BNC2: variants seen among roughly 807,000 people sequenced by gnomAD.
BNC2 encodes the protein zinc finger protein basonuclin-2.
In BNC2, 20 loss-of-function variants were observed where a neutral mutation model predicts 76.3. The observed-to-expected ratio is 0.26, with a 90% CI of 0.18 to 0.38. The LOEUF is 0.38. BNC2 is among the 10% of genes least tolerant of loss of function. The pLI is 1.00. For synonymous variants in BNC2, 582 were observed against 514.8 expected (o/e 1.13, Z -1.77); for missense variants, 1,382 against 1,399.8 (o/e 0.99, Z 0.20).
chr9:16,666,644 G>A (rs1344395310), intron 3 of BNC2, among the ~76,000 whole-genome samples: 1 of 152,174 alleles, frequency 6.6e-6, no homozygotes, highest in Non-Finnish European at 1.5e-5. Flanking sequence ...GGGTGATTCT[G>A]GAGCTAAACA....
At chr9:16,508,440 T>TA (rs1470330780) in intron 5 of BNC2, among the ~76,000 whole-genome samples, 3 of 152,120 alleles carry the variant, frequency 2.0e-5, no homozygotes, top group South Asian at 2.1e-4. Flanking sequence ...TAATGCTCAG[T>TA]AAAAAAACAT....
At chr9:16,479,817 T>C (rs1822008700) in intron 5 of BNC2, among the ~76,000 whole-genome samples, 1 of 152,234 alleles carries the variant, frequency 6.6e-6, no homozygotes, top group Admixed American at 6.5e-5. Flanking sequence ...AGATTATTTA[T>C]GTTTATTTTA....
chr9:16,583,635 C>A (rs918408379), intron 3 of BNC2, among the ~76,000 whole-genome samples: 1 of 152,188 alleles, frequency 6.6e-6, no homozygotes, highest in African/African-American at 2.4e-5. Flanking sequence ...TAACATATTT[C>A]TATTATTATT....
intron 3 of BNC2, among the ~76,000 whole-genome samples, chr9:16,682,048 T>G (rs972342691): frequency 6.6e-6 from 1 of 151,054 alleles, no homozygotes. Flanking sequence ...AAAGAGAGAG[T>G]GAACTTTTAT....
intron 3 of BNC2, among the ~76,000 whole-genome samples, chr9:16,712,121 G>A (rs558402183): frequency 6.6e-6 from 1 of 152,294 alleles, no homozygotes; most frequent in Non-Finnish European, 1.5e-5. Context: ...TATCAAGACT[G>A]CACTGTGGTG....
At chr9:16,670,614 C>T (rs998551205) in intron 3 of BNC2, among the ~76,000 whole-genome samples, 12 of 152,148 alleles carry the variant, frequency 7.9e-5, no homozygotes, top group African/African-American at 2.2e-4. Flanking sequence ...AAGGGAAATG[C>T]GTTACCTATT....
intron 5 of BNC2, among the ~76,000 whole-genome samples, chr9:16,462,085 T>C (rs72717017): frequency 1.3e-5 from 2 of 152,148 alleles, no homozygotes; most frequent in African/African-American, 4.8e-5. Context: ...ATTTAATGAG[T>C]GTCCATTGGC....
chr9:16,845,955 C>T (rs1818971685), intron 1 of BNC2, among the ~76,000 whole-genome samples: 1 of 151,926 alleles, frequency 6.6e-6, no homozygotes, highest in Admixed American at 6.6e-5. Flanking sequence ...TGAGACCATC[C>T]TGGCTAACAC....
At chr9:16,844,809 T>C (rs1480503011) in intron 1 of BNC2, among the ~76,000 whole-genome samples, 2 of 152,174 alleles carry the variant, frequency 1.3e-5, no homozygotes, top group Non-Finnish European at 2.9e-5. Context: ...TTCATTTTTT[T>C]ATATCAATAA....
intron 4 of BNC2, among the ~76,000 whole-genome samples, chr9:16,559,378 T>C (rs1041065052): frequency 4.6e-5 from 7 of 152,216 alleles, no homozygotes; most frequent in East Asian, 1.9e-4. Flanking sequence ...AGCCAAAAGA[T>C]TGGACATCCC....
chr9:16,465,931 C>T (rs1039741002), intron 5 of BNC2, among the ~76,000 whole-genome samples: 1 of 146,262 alleles, frequency 6.8e-6, no homozygotes, highest in African/African-American at 2.6e-5. Flanking sequence ...CTAGAAAACC[C>T]CATCGTCTCA....
At chr9:16,620,826 A>G (rs1187175750) in intron 3 of BNC2, among the ~76,000 whole-genome samples, 1 of 152,194 alleles carries the variant, frequency 6.6e-6, no homozygotes, top group African/African-American at 2.4e-5. Flanking sequence ...GGATTACAGT[A>G]AGAACACTGA....
chr9:16,648,863 A>G (rs1821713396), intron 3 of BNC2, among the ~76,000 whole-genome samples: 1 of 152,232 alleles, frequency 6.6e-6, no homozygotes, highest in South Asian at 2.1e-4. Flanking sequence ...TGCCCTCTAA[A>G]GGTGACCATG....
intron 4 of BNC2, among the ~76,000 whole-genome samples, chr9:16,566,574 A>T (rs1339093463): frequency 6.6e-6 from 1 of 152,166 alleles, no homozygotes; most frequent in Non-Finnish European, 1.5e-5. Flanking sequence ...TTTAGTAGAA[A>T]AACAGGATAG....
intron 5 of BNC2, among the ~76,000 whole-genome samples, chr9:16,515,885 G>A (rs578218995): frequency 4.0e-5 from 6 of 150,844 alleles, no homozygotes; most frequent in Non-Finnish European, 8.8e-5. Context: ...TCTGACAATT[G>A]TAACATGAAA....
At chr9:16,426,788 G>T (rs1331341563) in intron 6 of BNC2, among the ~76,000 whole-genome samples, 1 of 152,046 alleles carries the variant, frequency 6.6e-6, no homozygotes, top group Non-Finnish European at 1.5e-5. Flanking sequence ...CTTTTTATTT[G>T]CACAGGCAGA....
chr9:16,415,021 A>T lies in BNC2; in HGVS notation c.*3968T>A, dbSNP rs1479038619. On this transcript the variant is annotated 3_prime_UTR_variant, in exon 7 of 7. Coordinates refer to ENST00000380672, the MANE Select transcript of BNC2 (RefSeq NM_017637.6). ...TGGAAGGGCCTGAAAATTCATGACC[A>T]AAGAAATAACACTATGAGGACAGTG... is the stretch of plus-strand genomic sequence containing the variant. 1.3e-5 allele frequency: 2 copies of T among 152,004 alleles called. No individual in the cohort carries two copies. The highest frequency in any genetic ancestry group is 6.6e-5 in the Admixed American group (1 of 15,262). 9.4% of individuals were successfully genotyped at this position (152,004 alleles called of 1,614,324 possible). A position where few individuals can be genotyped will look rare whatever the true frequency, so the allele number is the denominator to read the frequency against.
intron 4 of BNC2, among the ~76,000 whole-genome samples, chr9:16,563,309 A>C (rs1305164282): frequency 6.6e-6 from 1 of 152,176 alleles, no homozygotes; most frequent in East Asian, 1.9e-4. Context: ...CATGCCTCTA[A>C]ACTGAAGACT....
intron 3 of BNC2, among the ~76,000 whole-genome samples, chr9:16,664,055 G>T (rs1055370268): frequency 6.6e-6 from 1 of 152,080 alleles, no homozygotes; most frequent in Admixed American, 6.6e-5. Context: ...ATTGATCCTC[G>T]ATTCCACCTT....
Sources: gnomAD v4.1 joint callset for allele counts (sites outside exome capture counted in the v4.1 genomes callset) on GRCh38, gnomAD v4.1.1 for gene constraint, MANE v1.5 for transcripts, NCBI Gene and HGNC (gene_info 2026-07-23, HGNC 2026-07-21) for gene names.